SLC12A8: variants seen among roughly 807,000 people sequenced by gnomAD.
SLC12A8 encodes solute carrier family 12 member 8, also known as cation-chloride cotransporter 9.
SLC12A8 carries 69 observed loss-of-function variants against 75.6 expected under a neutral mutation model. That is an observed-to-expected ratio of 0.91 (90% confidence interval 0.75 to 1.11). The LOEUF is 1.11. Among genes scored for constraint, SLC12A8 ranks in the 50% most tolerant of loss-of-function variants. The pLI, the probability that SLC12A8 is intolerant of heterozygous loss-of-function variation, is 0.00. For missense variants in SLC12A8, 877 were observed against 896.7 expected (o/e 0.98, Z 0.28); for synonymous variants, 365 against 372.8 (o/e 0.98, Z 0.24).
At chr3:125,114,901 C>CA (rs1378355424) in intron 8 of SLC12A8, among the ~76,000 whole-genome samples, 7 of 152,152 alleles carry the variant, frequency 4.6e-5, no homozygotes, top group African/African-American at 1.7e-4. Context: ...AATTTCACCC[C>CA]AACTAACACT....
intron 10 of SLC12A8, among the ~76,000 whole-genome samples, chr3:125,093,272 T>C (rs993933693): frequency 6.6e-6 from 1 of 152,234 alleles, no homozygotes; most frequent in Non-Finnish European, 1.5e-5. Context: ...TCAACCTTCA[T>C]AGTTTGTTGC....
chr3:125,135,362 T>C (rs963903686), intron 6 of SLC12A8, among the ~76,000 whole-genome samples: 1 of 152,044 alleles, frequency 6.6e-6, no homozygotes, highest in African/African-American at 2.4e-5. Flanking sequence ...GAACAAAAGG[T>C]GTCAATGTAT....
chr3:125,124,933 C>T (rs1490586652), intron 6 of SLC12A8, among the ~76,000 whole-genome samples: 4 of 152,158 alleles, frequency 2.6e-5, no homozygotes, highest in Middle Eastern at 3.4e-3. Flanking sequence ...CATTAGTGCC[C>T]AGGTGTTTTA....
chr3:125,121,914 T>C (rs1479550065), intron 6 of SLC12A8, among the ~76,000 whole-genome samples: 1 of 152,176 alleles, frequency 6.6e-6, no homozygotes, highest in East Asian at 1.9e-4. Context: ...GCAACTCCAC[T>C]ATGAGGACTT....
Position 125,212,716 on chromosome 3 carries a change from C to A in SLC12A8, c.-62G>T, listed in dbSNP as rs139041869. The A allele has an allele frequency of 0.03, 4,528 of 153,430 alleles. 145 individuals carry two copies. The highest frequency in any genetic ancestry group is 0.083 in the African/African-American group (3,435 of 41,564). 9.5% of individuals were successfully genotyped at this position (153,430 alleles called of 1,614,324 possible). A position where few individuals can be genotyped will look rare whatever the true frequency, so the allele number is the denominator to read the frequency against. On this transcript the variant is annotated 5_prime_UTR_variant, in exon 1 of 14. Transcript: ENST00000469902. ...CGCCCTCACCTGCTCCTGGGACAGC[C>A]AGCTCCCAGCGCCCGGCCCGCCCGG... is the stretch of plus-strand genomic sequence containing the variant.
At chr3:125,163,222 C>T (rs1934212098) in intron 5 of SLC12A8, among the ~76,000 whole-genome samples, 1 of 151,808 alleles carries the variant, frequency 6.6e-6, no homozygotes, top group Admixed American at 6.6e-5. Flanking sequence ...ATCGCTTAAG[C>T]CTGGGAAGTT....
chr3:125,184,171 A>C (rs1934725261), intron 4 of SLC12A8, among the ~76,000 whole-genome samples: 1 of 151,956 alleles, frequency 6.6e-6, no homozygotes, highest in African/African-American at 2.4e-5. Context: ...GGGTTTCACT[A>C]TGTTGGTCAA....
chr3:125,170,814 C>G (rs974591981), intron 5 of SLC12A8, among the ~76,000 whole-genome samples: 18 of 152,306 alleles, frequency 1.2e-4, no homozygotes, highest in Non-Finnish European at 2.4e-4. Flanking sequence ...ACTCAGGAGG[C>G]TGAGGCAGGA....
intron 5 of SLC12A8, among the ~76,000 whole-genome samples, chr3:125,148,902 T>C (rs1270910864): frequency 6.6e-6 from 1 of 151,786 alleles, no homozygotes; most frequent in African/African-American, 2.4e-5. Flanking sequence ...ACATGGAGAG[T>C]AATCTGCAAA....
intron 2 of SLC12A8, 129 bp downstream of exon 2, chr3:125,211,170 A>G (rs1935330338): frequency 2.5e-6 from 2 of 785,318 alleles, no homozygotes; most frequent in South Asian, 2.8e-5. Flanking sequence ...ATTGAACTGG[A>G]TGACCAAAAT....
intron 4 of SLC12A8, among the ~76,000 whole-genome samples, chr3:125,185,315 C>A (rs1481694110): frequency 6.7e-6 from 1 of 148,594 alleles, no homozygotes; most frequent in Non-Finnish European, 1.5e-5. Context: ...AGCAAAACGG[C>A]GTCTCAAAAA....
intron 5 of SLC12A8, among the ~76,000 whole-genome samples, chr3:125,169,604 G>T (rs1934365623): frequency 6.6e-6 from 1 of 152,140 alleles, no homozygotes; most frequent in Non-Finnish European, 1.5e-5. Flanking sequence ...GTATGAGGCT[G>T]CCAGCCCCTT....
At chr3:125,092,296 A>C (rs752108062) in intron 10 of SLC12A8, 98 bp from the exon 11 acceptor site, 24 of 765,468 alleles carry the variant, frequency 3.1e-5, no homozygotes, top group Non-Finnish European at 4.8e-5. Flanking sequence ...CAATTTTGTA[A>C]CTTAGCCTAA....
At chr3:125,138,317 C>T (rs1167362930) in intron 5 of SLC12A8, among the ~76,000 whole-genome samples, 2 of 152,184 alleles carry the variant, frequency 1.3e-5, no homozygotes, top group Non-Finnish European at 2.9e-5. Context: ...GAGAGGATTG[C>T]TTGAACCCAG....
At chr3:125,198,702 G>A (rs1935054823) in intron 2 of SLC12A8, among the ~76,000 whole-genome samples, 1 of 152,058 alleles carries the variant, frequency 6.6e-6, no homozygotes, top group African/African-American at 2.4e-5. Flanking sequence ...CCTGGAAGGA[G>A]GTCTTGGGGA....
intron 1 of SLC12A8, among the ~76,000 whole-genome samples, chr3:125,212,272 T>TGCAGTCCTGCCA (rs1278068970): frequency 6.6e-6 from 1 of 152,056 alleles, no homozygotes; most frequent in Non-Finnish European, 1.5e-5. Flanking sequence ...CTTGGTGGGC[T>TGCAGTCCTGCCA]GCAGTCCTGC....
rs781232638 is a variant in SLC12A8 at position 125,084,045 on chromosome 3, G to A, written c.1990C>T (p.Arg664Trp). The change falls in exon 14 of 14, where the codon CGG (arginine) becomes TGG (tryptophan). Residue 664 changes from arginine (R) to tryptophan (W), a missense_variant. Transcript: ENST00000469902. Reference sequence around the variant, plus strand: ...AAGATGATCTGCTCCTGAGGGGACCGCAAGCTCCTGCAGTGAGAGAGACAC... The same window carrying A: ...AAGATGATCTGCTCCTGAGGGGACCACAAGCTCCTGCAGTGAGAGAGACAC... ...SLLLPSCRSL[R>W]SPQEQIILAP... 28 of 1,609,576 alleles carry A rather than the reference G, an allele frequency of 1.7e-5. No individual in the cohort carries two copies. In the East Asian group the frequency reaches 5.1e-4, roughly 30 times the overall value.
chr3:125,158,829 G>A (rs1359903989), intron 5 of SLC12A8, among the ~76,000 whole-genome samples: 8 of 152,078 alleles, frequency 5.3e-5, no homozygotes, highest in Admixed American at 5.2e-4. Flanking sequence ...TATTTATGAT[G>A]ACACTAAGTC....
chr3:125,125,216 A>G (rs1933172297), intron 6 of SLC12A8, among the ~76,000 whole-genome samples: 1 of 151,050 alleles, frequency 6.6e-6, no homozygotes, highest in African/African-American at 2.4e-5. Flanking sequence ...TATAATTACT[A>G]TTTGGTCTCG....
Sources: allele counts gnomAD v4.1 joint callset (sites outside exome capture counted in the v4.1 genomes callset), GRCh38; gene constraint gnomAD v4.1.1; transcripts MANE v1.5; gene names NCBI Gene and HGNC (gene_info 2026-07-23, HGNC 2026-07-21).